ADGRL2: variants seen among roughly 807,000 people sequenced by gnomAD.
ADGRL2 encodes the protein adhesion G protein-coupled receptor L2, also known as calcium-independent alpha-latrotoxin receptor 2.
ADGRL2 carries 44 observed loss-of-function variants against 157.4 expected under a neutral mutation model. The observed-to-expected ratio is 0.28, with a 90% confidence interval of 0.22 to 0.36. The LOEUF is 0.36. Among genes scored for constraint, ADGRL2 ranks in the 10% least tolerant of loss-of-function variants. ADGRL2 has a pLI of 1.00. For missense variants in ADGRL2, 1,510 were observed against 1,768.9 expected (o/e 0.85, Z 2.63); for synonymous variants, 585 against 624.7 (o/e 0.94, Z 0.95).
At chr1:81,818,756 T>C (rs947681269) in intron 1 of ADGRL2, among the ~76,000 whole-genome samples, 1 of 152,196 alleles carries the variant, frequency 6.6e-6, no homozygotes, top group Non-Finnish European at 1.5e-5. Context: ...TACTACGATA[T>C]CATGCCAAAA....
At chr1:81,593,513 T>A (rs526674) in intron 3 of ADGRL2, among the ~76,000 whole-genome samples, 1 of 152,114 alleles carries the variant, frequency 6.6e-6, no homozygotes, top group Admixed American at 6.6e-5. Flanking sequence ...GTACACTGAG[T>A]GTTGGCTTGA....
chr1:81,636,427 G>A (rs1037061992), intron 3 of ADGRL2, among the ~76,000 whole-genome samples: 3 of 152,048 alleles, frequency 2.0e-5, no homozygotes, highest in African/African-American at 7.2e-5. Context: ...GATAAAATAA[G>A]TGTTCACTGT....
At chr1:81,879,581 G>A (rs1220483525) in intron 2 of ADGRL2, among the ~76,000 whole-genome samples, 5 of 148,142 alleles carry the variant, frequency 3.4e-5, no homozygotes, top group African/African-American at 1.2e-4. Flanking sequence ...TAATGAGAAA[G>A]AAAGAAGTTT....
At chr1:81,443,200 C>T (rs1200478589) in intron 1 of ADGRL2, among the ~76,000 whole-genome samples, 1 of 152,180 alleles carries the variant, frequency 6.6e-6, no homozygotes, top group Non-Finnish European at 1.5e-5. Flanking sequence ...GTGGGTGGAT[C>T]ACCTGAAGTC....
chr1:81,322,121 TATAC>T (rs1430143090), intron 1 of ADGRL2, among the ~76,000 whole-genome samples: 1 of 139,500 alleles, frequency 7.2e-6, no homozygotes, highest in Non-Finnish European at 1.6e-5. Context: ...CACATATATA[TATAC>T]ACACACACAC....
intron 1 of ADGRL2, among the ~76,000 whole-genome samples, chr1:81,308,891 C>T (rs944531603): frequency 1.1e-4 from 16 of 152,224 alleles, no homozygotes; most frequent in African/African-American, 3.9e-4. Flanking sequence ...AGCAACTGTT[C>T]AAGACAAGTT....
At chr1:81,580,601 TATTCAATGTCAAGAATTTAA>T (rs1426272797) in intron 2 of ADGRL2, among the ~76,000 whole-genome samples, 46 of 152,102 alleles carry the variant, frequency 3.0e-4, no homozygotes, top group African/African-American at 7.0e-4. Context: ...TCACTATAAA[TATTCAATGTCAAGAATTTAA>T]ATGGCTTACA....
At chr1:81,908,500 G>A (rs1253080571) in intron 3 of ADGRL2, among the ~76,000 whole-genome samples, 1 of 152,184 alleles carries the variant, frequency 6.6e-6, no homozygotes, top group Non-Finnish European at 1.5e-5. Context: ...ACCTACAGAA[G>A]GACATATAGG....
intron 1 of ADGRL2, among the ~76,000 whole-genome samples, chr1:81,317,316 A>G (rs1660172109): frequency 6.6e-6 from 1 of 151,840 alleles, no homozygotes; most frequent in African/African-American, 2.4e-5. Flanking sequence ...CCAACCCTCA[A>G]CCCCACATAA....
Position 81,604,700 on chromosome 1 carries a change from TG to T in ADGRL2, c.-143+23721del, listed in dbSNP as rs527902402. Among the ~76,000 whole-genome samples the T allele has an allele frequency of 4.1e-3, 623 of 152,230 alleles. 1 individual carries two copies. Among genetic ancestry groups the T allele is most frequent in the Non-Finnish European group, 6.5e-3 (443 of 68,020 alleles). On this transcript the variant is annotated intron_variant, in intron 3 of 24. Transcript: ENST00000370721. ...ATCCTTTTTGAGAGTCCAGGTACCA[TG>T]TCAAATCTTGTCTTGCAGTGCTCAG... is the stretch of plus-strand genomic sequence containing the variant.
At chr1:81,653,981 C>T (rs1326880884) in intron 3 of ADGRL2, among the ~76,000 whole-genome samples, 3 of 152,024 alleles carry the variant, frequency 2.0e-5, no homozygotes, top group Non-Finnish European at 4.4e-5. Flanking sequence ...TTCTGTTGCC[C>T]AGGCTGGGGT....
intron 1 of ADGRL2, among the ~76,000 whole-genome samples, chr1:81,401,417 T>TTCCCATCTGA (rs1553161599): frequency 6.6e-6 from 1 of 151,458 alleles, no homozygotes; most frequent in African/African-American, 2.4e-5. Context: ...TTCCTCCTGG[T>TTCCCATCTGA]TCCCAGCTGC....
intron 1 of ADGRL2, among the ~76,000 whole-genome samples, chr1:81,313,197 A>G (rs1659870946): frequency 6.6e-6 from 1 of 152,168 alleles, no homozygotes; most frequent in African/African-American, 2.4e-5. Context: ...TTTATTTTGT[A>G]GCTAAGAAAA....
intron 2 of ADGRL2, among the ~76,000 whole-genome samples, chr1:81,501,112 G>T (rs1433074626): frequency 6.6e-6 from 1 of 152,160 alleles, no homozygotes; most frequent in Non-Finnish European, 1.5e-5. Flanking sequence ...GAGCTAACTC[G>T]CAGGGGCAAA....
intron 2 of ADGRL2, among the ~76,000 whole-genome samples, chr1:81,766,668 T>C (rs2086133022): frequency 6.6e-6 from 1 of 151,538 alleles, no homozygotes. Flanking sequence ...CTGTTTCTAC[T>C]AAAAATACAA....
At chr1:81,860,058 A>C (rs1358007886) in intron 2 of ADGRL2, among the ~76,000 whole-genome samples, 3 of 151,940 alleles carry the variant, frequency 2.0e-5, no homozygotes, top group Admixed American at 6.6e-5. Flanking sequence ...CCCCGTCTGT[A>C]CTAAAAATAC....
intron 22 of ADGRL2, 115 bp downstream of exon 22, chr1:81,987,144 T>C: frequency 7.1e-7 from 1 of 1,402,308 alleles, no homozygotes; most frequent in Non-Finnish European, 9.6e-7. Context: ...ATTCTTAATT[T>C]CTCAGTTAAA....
chr1:81,530,894 C>T (rs2079581572), intron 2 of ADGRL2, among the ~76,000 whole-genome samples: 1 of 151,850 alleles, frequency 6.6e-6, no homozygotes, highest in Non-Finnish European at 1.5e-5. Context: ...ACCAACCTGG[C>T]CAATATGGTG....
At position 81,892,606 on chromosome 1, in the gene ADGRL2, A is replaced by G. The variant is rs116266161; in HGVS notation, c.74-14411A>G. ...TGATTTTGTCCAAACCAGTTGGAAT[A>G]GTGGTCAGCAACTGTCTTCCATAAA... On this transcript the variant is annotated intron_variant, in intron 2 of 23. Transcript: ENST00000686636. 1.5e-3 allele frequency among the ~76,000 whole-genome samples: 223 copies of G among 152,304 alleles called. 1 individual carries two copies. The highest frequency in any genetic ancestry group is 5.0e-3 in the African/African-American group (209 of 41,590).
Sources: allele counts gnomAD v4.1 joint callset (sites outside exome capture counted in the v4.1 genomes callset), GRCh38; gene constraint gnomAD v4.1.1; transcripts MANE v1.5; gene names NCBI Gene and HGNC (gene_info 2026-07-23, HGNC 2026-07-21).